Variants in SEMA5B observed in about 807,000 individuals in gnomAD.
SEMA5B encodes the protein semaphorin 5B.
A neutral mutation model predicts 135.0 loss-of-function variants in SEMA5B; 66 were observed. That is an observed-to-expected ratio of 0.49 (90% CI 0.40 to 0.60). SEMA5B has a LOEUF of 0.60. Among genes scored for constraint, SEMA5B ranks in the 20% least tolerant of loss-of-function variants. The probability of loss-of-function intolerance (pLI) is 0.00; values close to 1 mark genes in which losing one functional copy is unlikely to be tolerated. For synonymous variants in SEMA5B, 690 were observed against 639.5 expected, an observed-to-expected ratio of 1.08 and a Z score of -1.19; for missense variants, 1,501 against 1,566.3, an observed-to-expected ratio of 0.96 and a Z score of 0.70.
chr3:122,929,531 A>C (rs960092164), intron 5 of SEMA5B, among the ~76,000 whole-genome samples: 7 of 151,750 alleles, frequency 4.6e-5, no homozygotes, highest in Non-Finnish European at 8.8e-5. Context: ...TCTGTTGACA[A>C]CTCTGGGCTT....
At chr3:122,935,390 G>A (rs544653929) in intron 5 of SEMA5B, among the ~76,000 whole-genome samples, 17 of 152,298 alleles carry the variant, frequency 1.1e-4, no homozygotes, top group South Asian at 1.0e-3. Context: ...AGGAGTCTCT[G>A]AATATGGAGA....
chr3:123,006,526 C>T (rs538258823), intron 1 of SEMA5B, among the ~76,000 whole-genome samples: 1 of 152,336 alleles, frequency 6.6e-6, no homozygotes, highest in East Asian at 1.9e-4. Context: ...TTTTAAACAA[C>T]AACCTTCTAA....
intron 10 of SEMA5B, 148 bp downstream of exon 10, chr3:122,923,469 G>A: frequency 2.3e-6 from 2 of 853,426 alleles, no homozygotes; most frequent in Non-Finnish European, 3.7e-6. Context: ...TACCCTCAGG[G>A]AACCATTGTG....
rs973630826 is a variant in SEMA5B, at chr3:123,004,046, A to G, written c.-39+23418T>C. Among the ~76,000 whole-genome samples, 6 of 152,150 alleles carry G rather than the reference A, an allele frequency of 3.9e-5. No individual in the cohort carries two copies. The South Asian group carries it at 1.2e-3, about 32-fold the overall frequency. On this transcript the variant is annotated intron_variant, in intron 1 of 22. Transcript: ENST00000357599. Reference sequence around the variant, plus strand: ...TTAGTCAAAATTGTGTCATGTATCCATTTATGGCCCAACCCCTGCTAAAGC... The same window carrying G: ...TTAGTCAAAATTGTGTCATGTATCCGTTTATGGCCCAACCCCTGCTAAAGC...
intron 1 of SEMA5B, among the ~76,000 whole-genome samples, chr3:123,000,474 A>G (rs1385089820): frequency 6.6e-6 from 1 of 152,192 alleles, no homozygotes. Flanking sequence ...AAAGGGCATC[A>G]TAACAGCAAA....
chr3:122,956,105 A>G (rs1395900839), intron 2 of SEMA5B, among the ~76,000 whole-genome samples: 7 of 152,366 alleles, frequency 4.6e-5, no homozygotes, highest in African/African-American at 1.7e-4. Context: ...CCTGCTTGGC[A>G]TTGGAGCTGG....
At chr3:122,997,672 C>G (rs1404387931) in intron 1 of SEMA5B, among the ~76,000 whole-genome samples, 1 of 152,232 alleles carries the variant, frequency 6.6e-6, no homozygotes, top group Non-Finnish European at 1.5e-5. Flanking sequence ...TCCTCCCTCC[C>G]TCTGCAGCAA....
chr3:122,977,005 G>A (rs1408811862), intron 1 of SEMA5B, among the ~76,000 whole-genome samples: 5 of 152,116 alleles, frequency 3.3e-5, no homozygotes, highest in Admixed American at 1.3e-4. Context: ...AGCCAAGATC[G>A]GGCCACTGTA....
At chr3:122,974,745 G>T (rs1456646992) in intron 1 of SEMA5B, among the ~76,000 whole-genome samples, 3 of 152,206 alleles carry the variant, frequency 2.0e-5, no homozygotes, top group African/African-American at 7.2e-5. Flanking sequence ...GAGACAGAAA[G>T]ATGGTCAAGG....
rs1269470113 is a variant in SEMA5B, at chr3:122,918,609, C to T, written c.1689-2719G>A. On this transcript the variant is annotated intron_variant, in intron 12 of 22. Coordinates refer to ENST00000357599, the MANE Select transcript of SEMA5B (RefSeq NM_001031702.4). ...TGGAGTAGATGCTGGCTCCAGTCTC[C>T]TTTCTCCAAGCCCTCTCACCCCTTC... Among the ~76,000 whole-genome samples, 7 of 152,206 alleles carry T rather than the reference C, an allele frequency of 4.6e-5. No homozygotes were observed. In the East Asian group the frequency reaches 1.3e-3, roughly 29 times the overall value.
rs555359861 is a variant in SEMA5B at position 122,940,545 on chromosome 3, T to C, written c.429-1075A>G. 7.9e-5 allele frequency among the ~76,000 whole-genome samples: 12 copies of C among 152,364 alleles called. No individual in the cohort carries two copies. In the East Asian group the frequency reaches 2.3e-3, roughly 29 times the overall value. On this transcript the variant is annotated intron_variant, in intron 4 of 22. Transcript: ENST00000357599. ...TTCCTATTTTGGTTCCTAAACTTTT[T>C]AGGAACAAAGATTTTAGAAAGTTCT...
intron 1 of SEMA5B, among the ~76,000 whole-genome samples, chr3:123,015,918 T>C (rs898903060): frequency 4.6e-5 from 7 of 152,228 alleles, no homozygotes; most frequent in African/African-American, 1.4e-4. Context: ...CACCATGCGA[T>C]GTCTGGGCCT....
chr3:122,985,180 G>A (rs1363949673), intron 1 of SEMA5B, among the ~76,000 whole-genome samples: 4 of 152,064 alleles, frequency 2.6e-5, no homozygotes, highest in Admixed American at 1.3e-4. Flanking sequence ...AAGTACAGAG[G>A]AATTAAAAAT....
chr3:122,937,990 T>C (rs79411045), intron 5 of SEMA5B, among the ~76,000 whole-genome samples: 2,760 of 152,184 alleles, frequency 0.018, 92 homozygotes, highest in African/African-American at 0.063. Context: ...TTCCGGCCAA[T>C]GGAAACTAGG....
rs1553778645 is a variant in SEMA5B at position 122,966,558 on chromosome 3, T to TTA, written c.-38-5259_-38-5258dup. Among the ~76,000 whole-genome samples, 17 of 141,560 alleles carry TTA rather than the reference T, an allele frequency of 1.2e-4. No individual in the cohort carries two copies. In the East Asian group the frequency reaches 3.3e-3, roughly 28 times the overall value. The allele number at this position is 141,560 out of a possible 152,430, so 92.9% of individuals were successfully genotyped here. ...ATGTTTATTATTATTATTATTATTA[T>TTA]TATTATTATTTTTTGAGACGGAGTC... On this transcript the variant is annotated intron_variant, in intron 1 of 22. Coordinates refer to ENST00000357599, the MANE Select transcript of SEMA5B (RefSeq NM_001031702.4).
At chr3:122,937,138 G>A (rs1939334220) in intron 5 of SEMA5B, among the ~76,000 whole-genome samples, 1 of 151,906 alleles carries the variant, frequency 6.6e-6, no homozygotes, top group Admixed American at 6.5e-5. Context: ...GAGAGTAGAG[G>A]AAGCTGGGCG....
intron 10 of SEMA5B, 121 bp from the exon 11 acceptor site, chr3:122,922,568 C>A: frequency 1.1e-6 from 1 of 880,290 alleles, no homozygotes; most frequent in South Asian, 1.6e-5. Context: ...TCCAGCACCC[C>A]CCACCCCTAG....
At chr3:122,970,823 G>C (rs887366039) in intron 1 of SEMA5B, among the ~76,000 whole-genome samples, 1 of 152,192 alleles carries the variant, frequency 6.6e-6, no homozygotes, top group African/African-American at 2.4e-5. Flanking sequence ...CCTAACTCCA[G>C]TGCCCATGCT....
At chr3:122,967,263 T>C (rs148078748) in intron 1 of SEMA5B, among the ~76,000 whole-genome samples, 114 of 152,342 alleles carry the variant, frequency 7.5e-4, no homozygotes, top group Middle Eastern at 3.4e-3. Context: ...CACTTTTGAA[T>C]GTAATCTTGT....
Sources: gnomAD v4.1 joint callset for allele counts (sites outside exome capture counted in the v4.1 genomes callset) on GRCh38, gnomAD v4.1.1 for gene constraint, MANE v1.5 for transcripts, NCBI Gene and HGNC (gene_info 2026-07-23, HGNC 2026-07-21) for gene names.